The following PIWIL2 variants were observed in gnomAD, a reference collection of about 807,000 sequenced individuals.
The protein encoded by PIWIL2 is piwi like RNA-mediated gene silencing 2, also known as piwi-like protein 2.
In PIWIL2, 81 loss-of-function variants were observed where a neutral mutation model predicts 116.5. That is an observed-to-expected ratio of 0.70 (90% CI 0.58 to 0.84). The LOEUF is 0.84. PIWIL2 is among the 40% of genes least tolerant of loss of function. PIWIL2 has a pLI of 0.00. For missense variants in PIWIL2, 1,272 were observed against 1,212.3 expected, an observed-to-expected ratio of 1.05 and a Z score of -0.73; for synonymous variants, 489 against 429.5, an observed-to-expected ratio of 1.14 and a Z score of -1.71.
chr8:22,306,281 A>G (rs956093376), intron 13 of PIWIL2, among the ~76,000 whole-genome samples: 5 of 152,244 alleles, frequency 3.3e-5, no homozygotes, highest in African/African-American at 1.2e-4. Flanking sequence ...AATAAGAAGA[A>G]ACAAACAACT....
At chr8:22,321,640 T>C (rs1486826909) in intron 20 of PIWIL2, among the ~76,000 whole-genome samples, 2 of 152,150 alleles carry the variant, frequency 1.3e-5, no homozygotes, top group East Asian at 3.9e-4. Context: ...CCCTTAAGCC[T>C]AGGAGTCCAG....
At chr8:22,301,716 A>G (rs1831053898) in intron 10 of PIWIL2, among the ~76,000 whole-genome samples, 1 of 135,118 alleles carries the variant, frequency 7.4e-6, no homozygotes, top group Non-Finnish European at 1.6e-5. Flanking sequence ...CGAGGTCGCA[A>G]AGATTTTCTG....
In PIWIL2 at chr8:22,288,422, A is replaced by G. The variant is rs189821311; in HGVS notation, c.862-120A>G. On this transcript the variant is annotated intron_variant, in intron 7 of 22. Transcript: ENST00000356766. ...GTGTGGGCAACAAAGTGAGGGGAAA[A>G]GTAGAAAAATGTTTTAAGATACTTT... is the stretch of plus-strand genomic sequence containing the variant. 1.1e-4 allele frequency: 71 copies of G among 646,234 alleles called. No individual in the cohort carries two copies. The East Asian group carries it at 1.9e-3, about 18-fold the overall frequency. 40.0% of individuals were successfully genotyped at this position (646,234 alleles called of 1,614,324 possible).
chr8:22,319,487 T>C (rs1454688786), intron 20 of PIWIL2, among the ~76,000 whole-genome samples: 3 of 152,240 alleles, frequency 2.0e-5, no homozygotes, highest in East Asian at 1.9e-4. Context: ...AGCTGCCTTA[T>C]ATTTGTTATT....
rs1831235788 is a variant in PIWIL2, at chr8:22,308,184, A to C, written c.1686+111A>C. On this transcript the variant is annotated intron_variant, in intron 14 of 22. Coordinates refer to ENST00000356766, the MANE Select transcript of PIWIL2 (RefSeq NM_018068.5). ...TTTTGAATGTTTGTCCATGTCATTTAATATTTTTCTAAGTTTTTTTTTTTT... is the reference window on the plus strand; with the variant it reads ...TTTTGAATGTTTGTCCATGTCATTTCATATTTTTCTAAGTTTTTTTTTTTT... 5 of 905,788 alleles carry C rather than the reference A, an allele frequency of 5.5e-6. No homozygotes were observed. In the African/African-American group the frequency reaches 6.7e-5, roughly 12 times the overall value. 56.1% of individuals were successfully genotyped at this position (905,788 alleles called of 1,614,324 possible). A position where few individuals can be genotyped will look rare whatever the true frequency, so the allele number is the denominator to read the frequency against.
chr8:22,310,465 A>G (rs952216951), intron 15 of PIWIL2, among the ~76,000 whole-genome samples: 1 of 152,210 alleles, frequency 6.6e-6, no homozygotes, highest in Admixed American at 6.5e-5. Flanking sequence ...ATTTGTATCA[A>G]GGTACAAAAT....
chr8:22,283,777 C>G (rs1156664941), intron 5 of PIWIL2, among the ~76,000 whole-genome samples: 1 of 152,216 alleles, frequency 6.6e-6, no homozygotes. Context: ...AATGAGTGGA[C>G]TCACGGCCTT....
intron 20 of PIWIL2, among the ~76,000 whole-genome samples, chr8:22,338,245 A>G (rs1437340554): frequency 6.6e-6 from 1 of 152,254 alleles, no homozygotes; most frequent in Non-Finnish European, 1.5e-5. Context: ...AGAAAATCCC[A>G]GGGAACCAAC....
intron 16 of PIWIL2, 102 bp downstream of exon 16, chr8:22,311,402 C>G (rs1403580753): frequency 1.1e-6 from 1 of 929,792 alleles, no homozygotes; most frequent in East Asian, 2.7e-5. Context: ...TGATGATGCC[C>G]TAGAACTTGT....
intron 19 of PIWIL2, among the ~76,000 whole-genome samples, chr8:22,316,669 A>C (rs777073646): frequency 8.6e-5 from 13 of 151,844 alleles, no homozygotes; most frequent in Non-Finnish European, 1.6e-4. Context: ...TTTAGTAGAG[A>C]CAGCGTTTCA....
At position 22,341,717 on chromosome 8, in the gene PIWIL2, C is replaced by T. The variant is rs193144022; in HGVS notation, c.2404-11242C>T. On this transcript the variant is annotated intron_variant, in intron 20 of 22. Coordinates refer to ENST00000356766, the MANE Select transcript of PIWIL2 (RefSeq NM_018068.5). Reference sequence around the variant, plus strand: ...ACTCGTGAAAAACTAGATGCTTTCCCCCTAAGATAGATGCTATAAAGATAC... The same window carrying T: ...ACTCGTGAAAAACTAGATGCTTTCCTCCTAAGATAGATGCTATAAAGATAC... 1.2e-3 allele frequency among the ~76,000 whole-genome samples: 180 copies of T among 152,098 alleles called. 4 individuals carry two copies. Among genetic ancestry groups the T allele is most frequent in the Non-Finnish European group, 2.5e-4 (17 of 67,996 alleles).
intron 1 of PIWIL2, among the ~76,000 whole-genome samples, chr8:22,277,586 G>A (rs951860876): frequency 1.3e-5 from 2 of 151,738 alleles, no homozygotes; most frequent in African/African-American, 4.8e-5. Context: ...TCCTAAGACT[G>A]GCCTCAAACT....
chr8:22,316,120 C>G (rs1198297598), intron 18 of PIWIL2, 125 bp from the exon 19 acceptor site: 1 of 596,494 alleles, frequency 1.7e-6, no homozygotes, highest in East Asian at 2.8e-5. Context: ...TTTTTCTTTC[C>G]CAGAACTTAC....
At chr8:22,320,986 G>C (rs1831585050) in intron 20 of PIWIL2, among the ~76,000 whole-genome samples, 1 of 152,088 alleles carries the variant, frequency 6.6e-6, no homozygotes, top group Non-Finnish European at 1.5e-5. Context: ...TGACACTCCT[G>C]GTGATTTACG....
At chr8:22,334,215 T>G (rs2132083551) in intron 20 of PIWIL2, among the ~76,000 whole-genome samples, 1 of 151,926 alleles carries the variant, frequency 6.6e-6, no homozygotes, top group South Asian at 2.1e-4. Context: ...CCTTAGGTGA[T>G]CCACCTTCCT....
intron 20 of PIWIL2, among the ~76,000 whole-genome samples, chr8:22,351,903 T>A (rs1341726837): frequency 6.6e-6 from 1 of 151,916 alleles, no homozygotes; most frequent in Non-Finnish European, 1.5e-5. Context: ...TCCACTAGAA[T>A]CAAAACTGAA....
chr8:22,281,296 G>T, intron 3 of PIWIL2, 81 bp from the exon 4 acceptor site: 1 of 1,550,594 alleles, frequency 6.4e-7, no homozygotes, highest in Non-Finnish European at 8.7e-7. Context: ...AAACGTAACT[G>T]TGCTTTTTTT....
intron 20 of PIWIL2, among the ~76,000 whole-genome samples, chr8:22,327,711 C>T (rs988019512): frequency 2.6e-5 from 4 of 152,070 alleles, no homozygotes; most frequent in Non-Finnish European, 4.4e-5. Context: ...TTTTGACTTG[C>T]GTTTCTTAAT....
chr8:22,275,532 G>A (rs1830342031), intron 1 of PIWIL2, 134 bp downstream of exon 1: 1 of 152,332 alleles, frequency 6.6e-6, no homozygotes, highest in Non-Finnish European at 1.5e-5. Flanking sequence ...GGGAGCTGCT[G>A]AGGGTTGCGG....
Sources: allele counts gnomAD v4.1 joint callset (sites outside exome capture counted in the v4.1 genomes callset), GRCh38; gene constraint gnomAD v4.1.1; transcripts MANE v1.5; gene names NCBI Gene and HGNC (gene_info 2026-07-23, HGNC 2026-07-21).